The following SORCS2 variants were observed in gnomAD, a reference collection of about 807,000 sequenced individuals.
SORCS2 encodes sortilin related VPS10 domain containing receptor 2.
In SORCS2, 100 loss-of-function variants were observed where a neutral mutation model predicts 141.6. The observed-to-expected ratio is 0.71, with a 90% CI of 0.60 to 0.83. The LOEUF (loss-of-function observed/expected upper bound fraction) is 0.83, where lower values mean the gene tolerates loss of function less well. Ranked by LOEUF, SORCS2 falls within the 40% of genes least tolerant of loss-of-function variation. The probability of loss-of-function intolerance (pLI) is 0.00; values close to 1 mark genes in which losing one functional copy is unlikely to be tolerated. For missense variants in SORCS2, 1,646 were observed against 1,560.2 expected, an observed-to-expected ratio of 1.05 and a Z score of -0.93; for synonymous variants, 789 against 676.9, an observed-to-expected ratio of 1.17 and a Z score of -2.57.
intron 1 of SORCS2, among the ~76,000 whole-genome samples, chr4:7,373,512 G>A (rs1191081589): frequency 3.3e-5 from 2 of 60,342 alleles, no homozygotes; most frequent in Non-Finnish European, 5.8e-5. Context: ...TTTTTGAGTC[G>A]GGGTCTCGCT....
chr4:7,278,710 A>T (rs1577349374), intron 1 of SORCS2, among the ~76,000 whole-genome samples: 1 of 152,210 alleles, frequency 6.6e-6, no homozygotes, highest in South Asian at 2.1e-4. Context: ...TGGGACGGGG[A>T]CATCCAGCAC....
chr4:7,294,073 T>C (rs1457127333), intron 1 of SORCS2, among the ~76,000 whole-genome samples: 1 of 152,208 alleles, frequency 6.6e-6, no homozygotes, highest in Non-Finnish European at 1.5e-5. Context: ...CAGGTATGAC[T>C]GAAGCCAAAG....
At chr4:7,200,217 T>A (rs1727414369) in intron 1 of SORCS2, among the ~76,000 whole-genome samples, 1 of 151,826 alleles carries the variant, frequency 6.6e-6, no homozygotes, top group Non-Finnish European at 1.5e-5. Flanking sequence ...GACTGAGGGG[T>A]CCAGAGTTGT....
intron 2 of SORCS2, among the ~76,000 whole-genome samples, chr4:7,473,393 C>T (rs115404664): frequency 0.015 from 2,215 of 152,210 alleles, 47 homozygotes; most frequent in African/African-American, 0.051. Context: ...TATACGGATG[C>T]CCATCAGGAC....
chr4:7,392,283 G>A (rs1357047308), intron 1 of SORCS2, among the ~76,000 whole-genome samples: 1 of 150,426 alleles, frequency 6.6e-6, no homozygotes, highest in Non-Finnish European at 1.5e-5. Flanking sequence ...TGGGCCTCCA[G>A]GACAGGGCAT....
At chr4:7,730,319 G>GGTGGAAAGGGTTCAGCTGCT (rs1168974331) in intron 23 of SORCS2, among the ~76,000 whole-genome samples, 1 of 152,142 alleles carries the variant, frequency 6.6e-6, no homozygotes, top group African/African-American at 2.4e-5. Flanking sequence ...TCACACTGCT[G>GGTGGAAAGGGTTCAGCTGCT]GTGGAAAGGG....
At chr4:7,312,930 A>C (rs1468344561) in intron 1 of SORCS2, among the ~76,000 whole-genome samples, 1 of 152,228 alleles carries the variant, frequency 6.6e-6, no homozygotes, top group African/African-American at 2.4e-5. Flanking sequence ...GCAGAGCTGC[A>C]GCTGGCTGAG....
chr4:7,241,989 TG>T (rs1286840321), intron 1 of SORCS2, among the ~76,000 whole-genome samples: 1 of 152,110 alleles, frequency 6.6e-6, no homozygotes, highest in Non-Finnish European at 1.5e-5. Flanking sequence ...GCTTGACTGT[TG>T]GGGGTACCGG....
At chr4:7,705,811 G>A (rs921569864) in intron 14 of SORCS2, among the ~76,000 whole-genome samples, 1 of 152,342 alleles carries the variant, frequency 6.6e-6, no homozygotes, top group Non-Finnish European at 1.5e-5. Context: ...AGGGGCCCAC[G>A]TGGATAAGCC....
At chr4:7,699,942 C>T (rs906898134) in intron 12 of SORCS2, among the ~76,000 whole-genome samples, 9 of 152,200 alleles carry the variant, frequency 5.9e-5, no homozygotes, top group African/African-American at 1.4e-4. Flanking sequence ...TCCCAGCATC[C>T]GAGGAATCTT....
At chr4:7,339,265 C>T (rs576778165) in intron 1 of SORCS2, among the ~76,000 whole-genome samples, 4 of 152,316 alleles carry the variant, frequency 2.6e-5, no homozygotes, top group Admixed American at 2.0e-4. Context: ...ATCTGTGGGA[C>T]AGGAGGCACC....
intron 3 of SORCS2, among the ~76,000 whole-genome samples, chr4:7,621,846 G>A (rs1404200674): frequency 6.6e-6 from 1 of 152,238 alleles, no homozygotes; most frequent in Non-Finnish European, 1.5e-5. Flanking sequence ...GGGGCTGGCA[G>A]CAGCCTGGCC....
intron 1 of SORCS2, chr4:7,381,983 A>G: frequency 1.0e-6 from 1 of 985,728 alleles, no homozygotes; most frequent in Middle Eastern, 5.2e-4. Flanking sequence ...TCTCCAGAGG[A>G]AACAGGCAGG....
In SORCS2 at chr4:7,268,135, C is replaced by T. The variant is rs140562021; in HGVS notation, c.480+75009C>T. Among the ~76,000 whole-genome samples, 1,168 of 152,282 alleles carry T rather than the reference C, an allele frequency of 7.7e-3. 24 individuals carry two copies. The highest frequency in any genetic ancestry group is 0.027 in the African/African-American group (1,110 of 41,552). On this transcript the variant is annotated intron_variant, in intron 1 of 26. Transcript: ENST00000507866. ...TCCCTTCTCCCCTTGTGGGGCAGTCCATGGCCTTGGAGGATCCCTGGATTC... is the reference window on the plus strand; with the variant it reads ...TCCCTTCTCCCCTTGTGGGGCAGTCTATGGCCTTGGAGGATCCCTGGATTC...
chr4:7,412,279 C>G (rs1260401194), intron 2 of SORCS2, among the ~76,000 whole-genome samples: 2 of 152,224 alleles, frequency 1.3e-5, no homozygotes, highest in Non-Finnish European at 2.9e-5. Context: ...GATGGCCACC[C>G]CCTGGAGTTA....
rs142862271 is a variant in SORCS2 at position 7,624,751 on chromosome 4, G to A, written c.649-13577G>A. On this transcript the variant is annotated intron_variant, in intron 3 of 26. Transcript: ENST00000507866. ...TCTTCCAAAACACCATCACTCCAGA[G>A]AATTAGCCGTCTGCTGCACTCTGCC... is the stretch of plus-strand genomic sequence containing the variant. 2.2e-4 allele frequency among the ~76,000 whole-genome samples: 33 copies of A among 152,348 alleles called. 1 individual carries two copies. The highest frequency in any genetic ancestry group is 7.9e-4 in the African/African-American group (33 of 41,574).
At chr4:7,539,210 C>A (rs1490163685) in intron 3 of SORCS2, among the ~76,000 whole-genome samples, 1 of 152,198 alleles carries the variant, frequency 6.6e-6, no homozygotes. Flanking sequence ...GGCACAGGGC[C>A]CTGCCCCCCA....
intron 3 of SORCS2, among the ~76,000 whole-genome samples, chr4:7,578,224 A>T: frequency 6.6e-6 from 1 of 152,196 alleles, no homozygotes; most frequent in East Asian, 1.9e-4. Flanking sequence ...TTCCACCATG[A>T]GTTGAAGTAG....
At chr4:7,399,175 C>T (rs183341276) in intron 2 of SORCS2, among the ~76,000 whole-genome samples, 9 of 152,252 alleles carry the variant, frequency 5.9e-5, no homozygotes, top group Admixed American at 2.0e-4. Flanking sequence ...TTTTGGGACT[C>T]ACGCCGGAAG....
Sources: allele counts gnomAD v4.1 joint callset (sites outside exome capture counted in the v4.1 genomes callset), GRCh38; gene constraint gnomAD v4.1.1; transcripts MANE v1.5; gene names NCBI Gene and HGNC (gene_info 2026-07-23, HGNC 2026-07-21).